Variants in HSF2BP observed in about 807,000 individuals in gnomAD.
The protein encoded by HSF2BP is heat shock transcription factor 2 binding protein.
Under a neutral mutation model 35.0 loss-of-function variants are expected in HSF2BP, and 35 were observed. The observed-to-expected ratio is 1.00, with a 90% confidence interval of 0.76 to 1.32. HSF2BP has a LOEUF of 1.32. Among genes scored for constraint, HSF2BP ranks in the 40% most tolerant of loss-of-function variants. HSF2BP has a pLI of 0.00. For missense variants in HSF2BP, 326 were observed against 321.7 expected, an observed-to-expected ratio of 1.01 and a Z score of -0.10; for synonymous variants, 114 against 117.4, an observed-to-expected ratio of 0.97 and a Z score of 0.18.
chr21:43,584,984 A>ATTT (rs2081828898), intron 8 of HSF2BP, among the ~76,000 whole-genome samples: 1 of 144,210 alleles, frequency 6.9e-6, no homozygotes, highest in Admixed American at 6.7e-5. Context: ...CTCTAGGTAT[A>ATTT]ATTTTATTTA....
At chr21:43,572,957 A>C (rs2081594672) in intron 8 of HSF2BP, among the ~76,000 whole-genome samples, 3 of 152,368 alleles carry the variant, frequency 2.0e-5, no homozygotes, top group African/African-American at 7.2e-5. Flanking sequence ...ATAGCAATGA[A>C]CAGTCATTAA....
At chr21:43,615,441 T>C (rs1403629810) in intron 6 of HSF2BP, among the ~76,000 whole-genome samples, 5 of 152,244 alleles carry the variant, frequency 3.3e-5, no homozygotes, top group African/African-American at 1.2e-4. Context: ...ATATAAAATT[T>C]CATGTTACCC....
chr21:43,640,497 A>G (rs933577306), intron 4 of HSF2BP, among the ~76,000 whole-genome samples: 2 of 152,262 alleles, frequency 1.3e-5, no homozygotes, highest in African/African-American at 4.8e-5. Flanking sequence ...ACATGAATCT[A>G]CAAATGTCAT....
chr21:43,588,621 G>A (rs2081887917), intron 8 of HSF2BP, among the ~76,000 whole-genome samples: 1 of 152,158 alleles, frequency 6.6e-6, no homozygotes. Context: ...GGTACTGACA[G>A]ACATAAATGT....
rs2081956000 is a variant in HSF2BP, at chr21:43,593,896, T to C, written c.693-1568A>G. ...ATGAAGGAAAAAAATGTTTCAAAAA[T>C]ATTTCCCAGAAATGAGTAAATATAA... is the stretch of plus-strand genomic sequence containing the variant. On this transcript the variant is annotated intron_variant, in intron 7 of 8. Coordinates refer to ENST00000291560, the MANE Select transcript of HSF2BP (RefSeq NM_007031.2). 2.0e-5 allele frequency among the ~76,000 whole-genome samples: 3 copies of C among 152,120 alleles called. No individual in the cohort carries two copies. The South Asian group carries it at 6.2e-4, about 31-fold the overall frequency.
chr21:43,581,822 C>CGGGAGATGAGGGCCTGCTGA (rs201542766), intron 8 of HSF2BP, among the ~76,000 whole-genome samples: 68,965 of 128,994 alleles, frequency 0.53, 18,323 homozygotes, highest in East Asian at 0.63. Flanking sequence ...GTCTGTGCTG[C>CGGGAGATGAGGGCCTGCTGA]GGGAGATGAG....
chr21:43,507,334 C>T, the HSF2BP span, among the ~76,000 whole-genome samples: 3 of 92,878 alleles, frequency 3.2e-5, 1 homozygote, highest in Non-Finnish European at 7.1e-5. Context: ...AGCTGTGCAG[C>T]TGCAAGGTCA....
chr21:43,655,841 G>T (rs569696421), intron 3 of HSF2BP, among the ~76,000 whole-genome samples: 29 of 152,166 alleles, frequency 1.9e-4, no homozygotes, highest in African/African-American at 7.0e-4. Context: ...GACCAGATAC[G>T]TTTGCACATG....
rs117442296 is a variant in HSF2BP, at chr21:43,636,944, G to A, written c.292-3523C>T. On this transcript the variant is annotated intron_variant, in intron 4 of 8. Coordinates refer to ENST00000291560, the MANE Select transcript of HSF2BP (RefSeq NM_007031.2). ...TAAAGAAAAATGAAAACATACGACC[G>A]CAGAAAAACCTGTACACAAATGTTT... Among the ~76,000 whole-genome samples the A allele has an allele frequency of 3.1e-3, 456 of 147,376 alleles. 3 individuals carry two copies. The highest frequency in any genetic ancestry group is 5.8e-3 in the Non-Finnish European group (388 of 66,534).
intron 8 of HSF2BP, among the ~76,000 whole-genome samples, chr21:43,577,550 T>C (rs1206023275): frequency 6.6e-6 from 1 of 152,210 alleles, no homozygotes; most frequent in Non-Finnish European, 1.5e-5. Context: ...AAGGCTGGCA[T>C]TCGGGGCCAC....
intron 5 of HSF2BP, among the ~76,000 whole-genome samples, chr21:43,633,031 T>G (rs558016280): frequency 6.2e-4 from 95 of 152,282 alleles, no homozygotes; most frequent in Non-Finnish European, 1.1e-3. Context: ...GTATTAATAC[T>G]GAAGTGGTAA....
intron 3 of HSF2BP, 71 bp downstream of exon 3, chr21:43,656,516 T>A: frequency 5.6e-6 from 8 of 1,430,946 alleles, no homozygotes; most frequent in Admixed American, 2.0e-5. Context: ...CGTTTACAAT[T>A]ATTTACCTAG....
chr21:43,645,052 T>A (rs1334079271), intron 3 of HSF2BP, among the ~76,000 whole-genome samples: 1 of 152,232 alleles, frequency 6.6e-6, no homozygotes, highest in African/African-American at 2.4e-5. Flanking sequence ...TAAAATTTTA[T>A]GTTGCAGAAA....
chr21:43,653,290 G>A (rs1488139832), intron 3 of HSF2BP, among the ~76,000 whole-genome samples: 1 of 151,374 alleles, frequency 6.6e-6, no homozygotes, highest in African/African-American at 2.4e-5. Flanking sequence ...AAGAGAGAGA[G>A]AGAAAGAAAG....
At chr21:43,644,197 A>AATGCC in intron 4 of HSF2BP, 92 bp downstream of exon 4, 1 of 856,476 alleles carries the variant, frequency 1.2e-6, no homozygotes, top group Non-Finnish European at 1.9e-6. Context: ...GATTAAGAGT[A>AATGCC]AAAAATTCAG....
At chr21:43,591,065 T>TA (rs891151254) in intron 8 of HSF2BP, among the ~76,000 whole-genome samples, 10 of 151,852 alleles carry the variant, frequency 6.6e-5, no homozygotes, top group African/African-American at 1.9e-4. Context: ...GAACTGACAC[T>TA]AAAAAAAAGA....
chr21:43,656,836 C>T (rs775207907), intron 2 of HSF2BP, 99 bp from the exon 3 acceptor site: 4 of 963,468 alleles, frequency 4.2e-6, no homozygotes, highest in African/African-American at 1.6e-5. Context: ...TTATGTGCAT[C>T]GTTGTTTCAA....
chr21:43,623,158 C>A (rs755402852), intron 6 of HSF2BP, among the ~76,000 whole-genome samples: 2 of 151,936 alleles, frequency 1.3e-5, no homozygotes, highest in African/African-American at 2.4e-5. Flanking sequence ...AGCAAGAGGA[C>A]CCTCAGAAAC....
intron 3 of HSF2BP, among the ~76,000 whole-genome samples, chr21:43,645,701 G>A (rs748302260): frequency 4.6e-5 from 7 of 152,140 alleles, no homozygotes; most frequent in Non-Finnish European, 8.8e-5. Flanking sequence ...CCTGGAAAAC[G>A]GAACATTACT....
Sources: allele counts gnomAD v4.1 joint callset (sites outside exome capture counted in the v4.1 genomes callset), GRCh38; gene constraint gnomAD v4.1.1; transcripts MANE v1.5; gene names NCBI Gene and HGNC (gene_info 2026-07-23, HGNC 2026-07-21).